Variants in TBC1D14 observed in about 807,000 individuals in gnomAD.
TBC1D14 encodes TBC1 domain family member 14.
A neutral mutation model predicts 79.0 loss-of-function variants in TBC1D14; 26 were observed. The ratio of observed to expected loss-of-function variants is 0.33; its 90% CI spans 0.24 to 0.46. The LOEUF (loss-of-function observed/expected upper bound fraction) is 0.46, where lower values mean the gene tolerates loss of function less well. Ranked by LOEUF, TBC1D14 falls within the 20% of genes least tolerant of loss-of-function variation. The pLI is 1.00. For synonymous variants in TBC1D14, 394 were observed against 349.9 expected (o/e 1.13, Z -1.40); for missense variants, 769 against 887.6 (o/e 0.87, Z 1.70).
At chr4:7,003,245 T>G (rs913091188) in intron 7 of TBC1D14, among the ~76,000 whole-genome samples, 5 of 152,202 alleles carry the variant, frequency 3.3e-5, no homozygotes, top group Admixed American at 2.0e-4. Context: ...TTTGACACTT[T>G]GACCCATTAA....
chr4:6,910,833 G>A (rs1215557914), intron 1 of TBC1D14, among the ~76,000 whole-genome samples: 1 of 152,200 alleles, frequency 6.6e-6, no homozygotes, highest in East Asian at 1.9e-4. Context: ...AGCTTTGCTT[G>A]GGAAGGTTTT....
At chr4:7,020,823 C>T (rs1721755364) in intron 12 of TBC1D14, among the ~76,000 whole-genome samples, 1 of 152,214 alleles carries the variant, frequency 6.6e-6, no homozygotes, top group South Asian at 2.1e-4. Context: ...GCCTCAGCCA[C>T]CCAAGTAGGT....
chr4:6,957,182 C>A (rs184404157), intron 2 of TBC1D14, among the ~76,000 whole-genome samples: 3 of 152,188 alleles, frequency 2.0e-5, no homozygotes, highest in East Asian at 3.9e-4. Flanking sequence ...ATGGGTCCAC[C>A]GGTACTTGCC....
intron 11 of TBC1D14, 77 bp downstream of exon 11, chr4:7,010,858 G>C: frequency 6.7e-7 from 1 of 1,499,182 alleles, no homozygotes; most frequent in South Asian, 1.3e-5. Flanking sequence ...TGTGTTTTCG[G>C]TGGAAAAAAA....
chr4:6,966,591 G>A (rs966394075), intron 2 of TBC1D14, among the ~76,000 whole-genome samples: 4 of 152,200 alleles, frequency 2.6e-5, no homozygotes, highest in African/African-American at 9.7e-5. Flanking sequence ...TAACAACCTT[G>A]TAGAACATGG....
intron 13 of TBC1D14, 142 bp from the exon 14 acceptor site, chr4:7,030,185 T>C (rs1722902207): frequency 2.9e-6 from 2 of 693,532 alleles, no homozygotes; most frequent in African/African-American, 1.8e-5. Flanking sequence ...GACGTAGGAG[T>C]GGAAGACCCT....
At chr4:7,027,817 A>C (rs1029689938) in intron 13 of TBC1D14, among the ~76,000 whole-genome samples, 9 of 138,908 alleles carry the variant, frequency 6.5e-5, no homozygotes, top group African/African-American at 2.5e-4. Flanking sequence ...ACACACCCTT[A>C]AATACACAGT....
chr4:7,005,697 T>TA (rs113048318), intron 8 of TBC1D14, among the ~76,000 whole-genome samples: 1,452 of 142,004 alleles, frequency 0.01, 7 homozygotes, highest in Non-Finnish European at 0.014. Flanking sequence ...AGACTCCCTC[T>TA]AAAAAAAAAA....
intron 2 of TBC1D14, among the ~76,000 whole-genome samples, chr4:6,939,233 C>T (rs1218151720): frequency 1.3e-5 from 2 of 152,166 alleles, no homozygotes; most frequent in Non-Finnish European, 2.9e-5. Context: ...GCAGTAGTCC[C>T]TGCTGTCCTC....
intron 2 of TBC1D14, among the ~76,000 whole-genome samples, chr4:6,963,879 C>T (rs1715465928): frequency 6.6e-6 from 1 of 151,114 alleles, no homozygotes; most frequent in South Asian, 2.1e-4. Context: ...TCACTGCAAC[C>T]TCCGTCTCCC....
chr4:6,911,088 TCTTAGAACA>T (rs1370518781), intron 1 of TBC1D14, among the ~76,000 whole-genome samples: 1 of 152,136 alleles, frequency 6.6e-6, no homozygotes, highest in Non-Finnish European at 1.5e-5. Context: ...CTTACAGCAG[TCTTAGAACA>T]CTTCCTGTTG....
chr4:7,006,511 A>T, intron 8 of TBC1D14, 121 bp from the exon 9 acceptor site: 1 of 677,166 alleles, frequency 1.5e-6, no homozygotes, highest in Non-Finnish European at 2.5e-6. Context: ...AGATGTGATT[A>T]GGTCAGTGTG....
chr4:7,023,637 C>T (rs1370427054), intron 12 of TBC1D14, among the ~76,000 whole-genome samples: 1 of 152,214 alleles, frequency 6.6e-6, no homozygotes, highest in Non-Finnish European at 1.5e-5. Context: ...ATGGTGTGTG[C>T]TGAGGCTCAG....
intron 12 of TBC1D14, among the ~76,000 whole-genome samples, chr4:7,019,003 G>T (rs562088921): frequency 1.3e-5 from 2 of 152,188 alleles, no homozygotes; most frequent in African/African-American, 4.8e-5. Flanking sequence ...TGCTGTCATT[G>T]CCTGGAGTTT....
At chr4:6,927,251 A>G (rs1724363170) in intron 2 of TBC1D14, among the ~76,000 whole-genome samples, 1 of 151,542 alleles carries the variant, frequency 6.6e-6, no homozygotes, top group African/African-American at 2.4e-5. Context: ...CAGATAAGGC[A>G]TTTCACGGGC....
chr4:6,922,975 T>C (rs1003633819), intron 1 of TBC1D14, among the ~76,000 whole-genome samples: 1 of 152,022 alleles, frequency 6.6e-6, no homozygotes, highest in Non-Finnish European at 1.5e-5. Context: ...CCGAGGTGGG[T>C]GGATTGCTTG....
At chr4:7,023,629 GGT>G (rs1053587423) in intron 12 of TBC1D14, among the ~76,000 whole-genome samples, 2 of 152,232 alleles carry the variant, frequency 1.3e-5, no homozygotes, top group African/African-American at 4.8e-5. Context: ...GCTGCCTCAT[GGT>G]GTGTGCTGAG....
intron 3 of TBC1D14, among the ~76,000 whole-genome samples, chr4:6,979,646 C>T (rs867562004): frequency 3.3e-5 from 5 of 152,128 alleles, no homozygotes; most frequent in Middle Eastern, 6.8e-3. Flanking sequence ...ATAGACCCAA[C>T]TATGTATATG....
intron 2 of TBC1D14, among the ~76,000 whole-genome samples, chr4:6,962,547 G>A (rs902442761): frequency 1.3e-5 from 2 of 152,094 alleles, no homozygotes; most frequent in Non-Finnish European, 2.9e-5. Context: ...TAGGACAAAG[G>A]AGTTTCTTCT....
Sources: allele counts gnomAD v4.1 joint callset (sites outside exome capture counted in the v4.1 genomes callset), GRCh38; gene constraint gnomAD v4.1.1; transcripts MANE v1.5; gene names NCBI Gene and HGNC (gene_info 2026-07-23, HGNC 2026-07-21).